The following GALNT18 variants were observed in gnomAD, a reference collection of about 807,000 sequenced individuals.
The protein encoded by GALNT18 is polypeptide N-acetylgalactosaminyltransferase 18.
Under a neutral mutation model 69.5 loss-of-function variants are expected in GALNT18, and 44 were observed. The ratio of observed to expected loss-of-function variants is 0.63; its 90% CI spans 0.50 to 0.81. The LOEUF (loss-of-function observed/expected upper bound fraction) is 0.81. Ranked by LOEUF, GALNT18 falls within the 40% of genes least tolerant of loss-of-function variation. The probability of loss-of-function intolerance (pLI) is 0.00; values close to 1 mark genes in which losing one functional copy is unlikely to be tolerated. For synonymous variants in GALNT18, 364 were observed against 318.2 expected (o/e 1.14, Z -1.53); for missense variants, 715 against 810.0 (o/e 0.88, Z 1.42).
intron 3 of GALNT18, among the ~76,000 whole-genome samples, chr11:11,411,871 T>C (rs1854737392): frequency 1.3e-5 from 2 of 152,204 alleles, no homozygotes; most frequent in South Asian, 4.1e-4. Flanking sequence ...ATCTCAGAGT[T>C]GTCCCATCCG....
chr11:11,393,372 C>G (rs1447026402), intron 3 of GALNT18, among the ~76,000 whole-genome samples: 1 of 152,194 alleles, frequency 6.6e-6, no homozygotes, highest in African/African-American at 2.4e-5. Context: ...CTGCTAGATC[C>G]CAAATGTAGA....
intron 1 of GALNT18, among the ~76,000 whole-genome samples, chr11:11,449,812 C>A (rs942356094): frequency 6.6e-6 from 1 of 152,212 alleles, no homozygotes; most frequent in African/African-American, 2.4e-5. Context: ...GATAATAATA[C>A]CCAACCAGCC....
chr11:11,346,172 A>G (rs1414560295), intron 6 of GALNT18, among the ~76,000 whole-genome samples: 1 of 152,090 alleles, frequency 6.6e-6, no homozygotes, highest in East Asian at 1.9e-4. Context: ...TACTCAAAAT[A>G]CTTTTACTTC....
Position 11,453,925 on chromosome 11 carries a change from G to A in GALNT18, c.236-4989C>T, listed in dbSNP as rs191357611. ...AATATAGTCTCCATTCATTTTGCTTGTTGTTTGTTTCCCTGACTGGAACGT... is the reference window on the plus strand; with the variant it reads ...AATATAGTCTCCATTCATTTTGCTTATTGTTTGTTTCCCTGACTGGAACGT... On this transcript the variant is annotated intron_variant, in intron 1 of 10. Transcript: ENST00000227756. Among the ~76,000 whole-genome samples the A allele has an allele frequency of 7.0e-4, 106 of 152,308 alleles. 1 individual carries two copies. The East Asian group carries it at 0.019, about 28-fold the overall frequency.
intron 2 of GALNT18, among the ~76,000 whole-genome samples, chr11:11,448,336 G>A (rs1460157237): frequency 1.3e-5 from 2 of 152,184 alleles, no homozygotes; most frequent in Non-Finnish European, 2.9e-5. Flanking sequence ...GAGAAGTCAA[G>A]ACAGACTTCT....
intron 3 of GALNT18, among the ~76,000 whole-genome samples, chr11:11,390,305 A>G (rs1398613157): frequency 6.6e-6 from 1 of 152,144 alleles, no homozygotes; most frequent in African/African-American, 2.4e-5. Context: ...CACCTGGAAC[A>G]TTCTTCTCGC....
chr11:11,370,658 T>C (rs1314812876), intron 6 of GALNT18, among the ~76,000 whole-genome samples: 2 of 151,476 alleles, frequency 1.3e-5, no homozygotes, highest in Non-Finnish European at 2.9e-5. Flanking sequence ...CCCAGAGACA[T>C]TTTAACTTGC....
rs532733643 is a variant in GALNT18 at position 11,311,314 on chromosome 11, G to A, written c.1512+15772C>T. On this transcript the variant is annotated intron_variant, in intron 9 of 10. Transcript: ENST00000227756. ...TCCTGCTTCAAATGAAAGAGGAAGT[G>A]CCTTCGGGGAGGGCACGGTATACAT... Among the ~76,000 whole-genome samples the A allele has an allele frequency of 1.2e-3, 179 of 152,324 alleles. 2 individuals are homozygous for A. Among genetic ancestry groups the A allele is most frequent in the African/African-American group, 4.1e-3 (170 of 41,574 alleles).
chr11:11,456,248 C>T (rs557432663), intron 1 of GALNT18, among the ~76,000 whole-genome samples: 3 of 152,144 alleles, frequency 2.0e-5, no homozygotes, highest in Non-Finnish European at 2.9e-5. Context: ...TAATCAATCC[C>T]ATCATAGATA....
At chr11:11,577,560 TTC>T (rs1858956273) in intron 1 of GALNT18, among the ~76,000 whole-genome samples, 2 of 152,160 alleles carry the variant, frequency 1.3e-5, no homozygotes, top group African/African-American at 4.8e-5. Context: ...CCTGCATCCA[TTC>T]TCTCACCCCT....
At chr11:11,483,494 A>G (rs969533683) in intron 1 of GALNT18, among the ~76,000 whole-genome samples, 1 of 152,218 alleles carries the variant, frequency 6.6e-6, no homozygotes, top group African/African-American at 2.4e-5. Flanking sequence ...ACTGGACATT[A>G]TTCTGAGGGT....
intron 7 of GALNT18, among the ~76,000 whole-genome samples, chr11:11,336,292 G>A (rs1850112377): frequency 6.6e-6 from 1 of 152,212 alleles, no homozygotes; most frequent in African/African-American, 2.4e-5. Context: ...AAAAGTTGGG[G>A]ACTGGACCTG....
In GALNT18 at chr11:11,621,257, C is replaced by T. The variant is rs955727352; in HGVS notation, c.235+102G>A. 23 of 936,798 alleles carry T rather than the reference C, an allele frequency of 2.5e-5. No individual in the cohort carries two copies. In the African/African-American group the frequency reaches 3.3e-4, roughly 14 times the overall value. 58.0% of individuals were successfully genotyped at this position (936,798 alleles called of 1,614,324 possible). A position where few individuals can be genotyped will look rare whatever the true frequency, so the allele number is the denominator to read the frequency against. Reference sequence around the variant, plus strand: ...TACCACGCATCTGCGGCCCCAGAGCCCCGCCGTGGCTGAGTTGATGCGCAC... The same window carrying T: ...TACCACGCATCTGCGGCCCCAGAGCTCCGCCGTGGCTGAGTTGATGCGCAC... On this transcript the variant is annotated intron_variant, in intron 1 of 10. Transcript: ENST00000227756. This position sits in a 1 kb window ranked among gnomAD's most constrained non-coding sequence, Gnocchi z 9.3.
rs1858553556 is a variant in GALNT18 at position 11,563,056 on chromosome 11, T to C, written c.235+58303A>G. ...CGTTTTGTGCTTCATGGCTTCCCTA[T>C]ATACTTCCACCCCCACCCTGCAAAC... On this transcript the variant is annotated intron_variant, in intron 1 of 10. Transcript: ENST00000227756. This position sits in a 1 kb window ranked among gnomAD's most constrained non-coding sequence, Gnocchi z 4.6. Among the ~76,000 whole-genome samples, 1 of 152,162 alleles carries C rather than the reference T, an allele frequency of 6.6e-6. No homozygotes were observed. The highest frequency in any genetic ancestry group is 2.4e-5 in the African/African-American group (1 of 41,430).
intron 2 of GALNT18, among the ~76,000 whole-genome samples, chr11:11,438,756 AGTT>A (rs1015744618): frequency 5.3e-5 from 8 of 152,284 alleles, no homozygotes; most frequent in Admixed American, 2.6e-4. Flanking sequence ...GAAATGAAGG[AGTT>A]GTTCCCAGGC....
chr11:11,345,933 C>G (rs1850294852), intron 6 of GALNT18, among the ~76,000 whole-genome samples: 1 of 152,200 alleles, frequency 6.6e-6, no homozygotes, highest in Non-Finnish European at 1.5e-5. Flanking sequence ...CTTGACGGCA[C>G]ATCAGCACAA....
intron 1 of GALNT18, among the ~76,000 whole-genome samples, chr11:11,589,307 C>G (rs1038755036): frequency 1.3e-5 from 2 of 152,124 alleles, no homozygotes; most frequent in Admixed American, 1.3e-4. Flanking sequence ...ACCAACAGAT[C>G]CTTCTTGCTT....
chr11:11,601,862 C>T lies in GALNT18; in HGVS notation c.235+19497G>A, dbSNP rs200944716. Among the ~76,000 whole-genome samples the T allele has an allele frequency of 3.3e-5, 5 of 152,076 alleles. No homozygotes were observed. In the East Asian group the frequency reaches 9.6e-4, roughly 29 times the overall value. Reference sequence around the variant, plus strand: ...GGAAATGACGTTATTTGAGGACCTGCCTGATTTGCTTAAAGTCACAATTTC... The same window carrying T: ...GGAAATGACGTTATTTGAGGACCTGTCTGATTTGCTTAAAGTCACAATTTC... On this transcript the variant is annotated intron_variant, in intron 1 of 10. Transcript: ENST00000227756. This position sits in a 1 kb window ranked among gnomAD's most constrained non-coding sequence, Gnocchi z 4.0.
intron 6 of GALNT18, among the ~76,000 whole-genome samples, chr11:11,366,371 G>C (rs11820735): frequency 0.26 from 40,271 of 152,064 alleles, 5,693 homozygotes; most frequent in Middle Eastern, 0.32. Flanking sequence ...ATGTGTGGTA[G>C]TATTTTTATG....
Sources: allele counts gnomAD v4.1 joint callset (sites outside exome capture counted in the v4.1 genomes callset), GRCh38; gene constraint gnomAD v4.1.1; non-coding constraint Gnocchi (gnomAD v3.1); transcripts MANE v1.5; gene names NCBI Gene and HGNC (gene_info 2026-07-23, HGNC 2026-07-21).